TPRG1: variants seen among roughly 807,000 people sequenced by gnomAD.
TPRG1 encodes tumor protein p63 regulated 1.
Under a neutral mutation model 29.3 loss-of-function variants are expected in TPRG1, and 29 were observed. That is an observed-to-expected ratio of 0.99 (90% CI 0.74 to 1.35). TPRG1 has a LOEUF of 1.35. Among genes scored for constraint, TPRG1 ranks in the 40% most tolerant of loss-of-function variants. The probability of loss-of-function intolerance (pLI) is 0.00; values close to 1 mark genes in which losing one functional copy is unlikely to be tolerated. For synonymous variants in TPRG1, 130 were observed against 116.8 expected, an observed-to-expected ratio of 1.11 and a Z score of -0.73; for missense variants, 327 against 335.0, an observed-to-expected ratio of 0.98 and a Z score of 0.19.
chr3:189,097,424 G>A (rs570685998), upstream of TPRG1, among the ~76,000 whole-genome samples: 37 of 152,194 alleles, frequency 2.4e-4, no homozygotes, highest in Middle Eastern at 3.4e-3. Context: ...AAATAAATAT[G>A]TGTTTCATGA....
At position 189,257,499 on chromosome 3, in the gene TPRG1, C is replaced by T. The variant is rs989013552; in HGVS notation, c.479+18590C>T. Among the ~76,000 whole-genome samples the T allele has an allele frequency of 3.3e-5, 5 of 152,036 alleles. No individual in the cohort carries two copies. The East Asian group carries it at 9.6e-4, about 29-fold the overall frequency. On this transcript the variant is annotated intron_variant, in intron 4 of 5. Transcript: ENST00000345063. ...TTATGTGTGTTGGGGTTGCGCTTCT[C>T]GAGGAGTATCTCTGTGGTGTTCTCT...
chr3:189,090,450 G>T (rs539218651), intron 4 of TPRG1, among the ~76,000 whole-genome samples: 23 of 152,034 alleles, frequency 1.5e-4, no homozygotes, highest in East Asian at 5.8e-4. Flanking sequence ...AAATTATTCA[G>T]ATCTGTATTT....
At chr3:189,122,963 T>C (rs924709990) in intron 1 of TPRG1, among the ~76,000 whole-genome samples, 2 of 152,224 alleles carry the variant, frequency 1.3e-5, no homozygotes, top group African/African-American at 4.8e-5. Flanking sequence ...AGTTTTGTTC[T>C]AAAAACAGGC....
intron 1 of TPRG1, among the ~76,000 whole-genome samples, chr3:189,180,441 G>A (rs1406389560): frequency 6.6e-6 from 1 of 152,120 alleles, no homozygotes; most frequent in Admixed American, 6.5e-5. Context: ...AGACACAGTG[G>A]GGGTACAGGT....
At chr3:189,053,397 T>C (rs1346769392) in intron 4 of TPRG1, among the ~76,000 whole-genome samples, 2 of 152,190 alleles carry the variant, frequency 1.3e-5, no homozygotes, top group Non-Finnish European at 2.9e-5. Flanking sequence ...GAGGAAATTA[T>C]TTTTGTCTTA....
intron 1 of TPRG1, among the ~76,000 whole-genome samples, chr3:189,200,313 G>A (rs536724530): frequency 6.6e-6 from 1 of 152,334 alleles, no homozygotes; most frequent in East Asian, 1.9e-4. Context: ...ACAGAAGCAG[G>A]CTTGTTGGAG....
At chr3:189,107,734 T>C (rs1419547251) in intron 1 of TPRG1, among the ~76,000 whole-genome samples, 1 of 152,192 alleles carries the variant, frequency 6.6e-6, no homozygotes, top group Non-Finnish European at 1.5e-5. Flanking sequence ...AGTTTTTTAC[T>C]AAATTGATAC....
rs1726135674 is a variant in TPRG1, at chr3:189,152,777, T to TATTATTAAAAAGTAGGATTGCTGCCCTCC, written c.-10+1927_-10+1928insGCCCTCCATTATTAAAAAGTAGGATTGCT. On this transcript the variant is annotated intron_variant, in intron 5 of 6. Coordinates refer to the TPRG1 transcript ENST00000412373. The stretch of plus-strand genomic sequence containing the variant: ...AAAAAGTAGGATTGCTACCCTCCAT[T>TATTATTAAAAAGTAGGATTGCTGCCCTCC]ATTATTAAAAAGTAGGATTGCTACC... 1.8e-4 allele frequency among the ~76,000 whole-genome samples: 27 copies of TATTATTAAAAAGTAGGATTGCTGCCCTCC among 151,638 alleles called. 3 individuals carry two copies. In the South Asian group the frequency reaches 5.7e-3, roughly 32 times the overall value.
chr3:189,178,689 A>G (rs1000780255), intron 1 of TPRG1, among the ~76,000 whole-genome samples: 3 of 152,230 alleles, frequency 2.0e-5, no homozygotes, highest in African/African-American at 7.2e-5. Flanking sequence ...CAGCAAATTA[A>G]TAGCAGATGG....
Position 189,133,328 on chromosome 3 carries a change from G to C in TPRG1, c.-291+631G>C, listed in dbSNP as rs146833826. Among the ~76,000 whole-genome samples the C allele has an allele frequency of 2.9e-3, 435 of 152,240 alleles. 6 individuals are homozygous for C. The highest frequency in any genetic ancestry group is 8.8e-3 in the African/African-American group (367 of 41,542). ...ATAGTGCCAACTCCAGAGAGGAAAA[G>C]GCAAAGGAGCAAGATCAAGATCAGT... On this transcript the variant is annotated intron_variant, in intron 3 of 6. Transcript: ENST00000412373.
At position 189,094,297 on chromosome 3, in the gene TPRG1, C is replaced by T. The variant is rs193298444; in HGVS notation, c.-462-32760C>T. Among the ~76,000 whole-genome samples, 34 of 152,286 alleles carry T rather than the reference C, an allele frequency of 2.2e-4. No individual in the cohort carries two copies. In the East Asian group the frequency reaches 6.2e-3, roughly 28 times the overall value. ...TGAACAGACATTGTGAAGGAGGCAA[C>T]GTTGCCCCTGGATCTCACAAAATGA... On this transcript the variant is annotated intron_variant, in intron 4 of 10. Transcript: ENST00000433971.
chr3:189,225,643 A>AT (rs1737612946), intron 3 of TPRG1, among the ~76,000 whole-genome samples: 1 of 150,828 alleles, frequency 6.6e-6, no homozygotes, highest in Admixed American at 6.6e-5. Flanking sequence ...AGGAGCAAAC[A>AT]TGCCGCTTGA....
At chr3:189,079,365 G>T (rs73053418) in intron 4 of TPRG1, among the ~76,000 whole-genome samples, 10,490 of 152,160 alleles carry the variant, frequency 0.069, 1,178 homozygotes, top group African/African-American at 0.23. Context: ...GTCACATCAT[G>T]AAGCTTCACT....
At chr3:189,104,788 G>C (rs2378464) in intron 1 of TPRG1, among the ~76,000 whole-genome samples, 65,489 of 151,772 alleles carry the variant, frequency 0.43, 19,154 homozygotes, top group African/African-American at 0.82. Flanking sequence ...CCTTTGGACA[G>C]TATTGCTCTT....
At chr3:189,250,513 C>CCCCA (rs749453328) in intron 4 of TPRG1, among the ~76,000 whole-genome samples, 1 of 88,738 alleles carries the variant, frequency 1.1e-5, no homozygotes, top group African/African-American at 4.8e-5. Flanking sequence ...CGCCCCCCCC[C>CCCCA]CCCCACCCAG....
intron 3 of TPRG1, among the ~76,000 whole-genome samples, chr3:189,144,083 T>G (rs1724929308): frequency 6.6e-6 from 1 of 152,226 alleles, no homozygotes; most frequent in South Asian, 2.1e-4. Flanking sequence ...TACTACGATT[T>G]TAAAACTTTG....
chr3:189,294,875 T>C (rs1407068381), intron 4 of TPRG1, among the ~76,000 whole-genome samples: 1 of 152,174 alleles, frequency 6.6e-6, no homozygotes, highest in Non-Finnish European at 1.5e-5. Flanking sequence ...TATTACACTT[T>C]AAGTTCTAGG....
intron 1 of TPRG1, among the ~76,000 whole-genome samples, chr3:189,191,727 A>G (rs999909753): frequency 6.6e-6 from 1 of 152,138 alleles, no homozygotes; most frequent in African/African-American, 2.4e-5. Flanking sequence ...AGTTAGCCAC[A>G]TCTATTTTTA....
intron 4 of TPRG1, among the ~76,000 whole-genome samples, chr3:189,270,418 G>A (rs1029495885): frequency 2.6e-5 from 4 of 152,150 alleles, no homozygotes; most frequent in Non-Finnish European, 5.9e-5. Context: ...GCAGTTGCTG[G>A]GTGGCAGCAG....
Sources: allele counts gnomAD v4.1 joint callset (sites outside exome capture counted in the v4.1 genomes callset), GRCh38; gene constraint gnomAD v4.1.1; transcripts MANE v1.5; gene names NCBI Gene and HGNC (gene_info 2026-07-23, HGNC 2026-07-21).